ROBO1: variants seen among roughly 807,000 people sequenced by gnomAD.
ROBO1 encodes the protein roundabout guidance receptor 1, also known as roundabout homolog 1.
In ROBO1, 149 loss-of-function variants were observed where a neutral mutation model predicts 195.9. The ratio of observed to expected loss-of-function variants is 0.76; its 90% confidence interval spans 0.67 to 0.87. ROBO1 has a LOEUF of 0.87. Ranked by LOEUF, ROBO1 falls within the 40% of genes least tolerant of loss-of-function variation. The pLI, the probability that ROBO1 is intolerant of heterozygous loss-of-function variation, is 0.00. For synonymous variants in ROBO1, 816 were observed against 733.2 expected (o/e 1.11, Z -1.82); for missense variants, 1,933 against 2,068.3 (o/e 0.93, Z 1.27).
intron 2 of ROBO1, among the ~76,000 whole-genome samples, chr3:79,331,735 A>T (rs1158519040): frequency 1.3e-5 from 2 of 152,106 alleles, no homozygotes; most frequent in Admixed American, 1.3e-4. Context: ...AAACATTTGG[A>T]CTCTAAATAA....
At chr3:79,312,279 G>A (rs1419638968) in intron 2 of ROBO1, among the ~76,000 whole-genome samples, 4 of 152,042 alleles carry the variant, frequency 2.6e-5, no homozygotes, top group East Asian at 1.9e-4. Context: ...TTTTCTGATC[G>A]CCACATCTGG....
chr3:78,734,612 G>GAAAA (rs766825582), intron 5 of ROBO1, among the ~76,000 whole-genome samples: 1 of 140,402 alleles, frequency 7.1e-6, no homozygotes. Flanking sequence ...CCATTTGGGG[G>GAAAA]AAAAAAAAAA....
intron 1 of ROBO1, among the ~76,000 whole-genome samples, chr3:79,698,054 TA>T (rs1233503505): frequency 6.6e-6 from 1 of 151,448 alleles, no homozygotes; most frequent in African/African-American, 2.4e-5. Flanking sequence ...CATTAAGCAT[TA>T]AAAATTAGGA....
intron 2 of ROBO1, among the ~76,000 whole-genome samples, chr3:79,549,294 T>C (rs1196035438): frequency 1.3e-5 from 2 of 152,146 alleles, no homozygotes; most frequent in Non-Finnish European, 2.9e-5. Flanking sequence ...TAATGTGATA[T>C]ACGACATAAA....
intron 1 of ROBO1, among the ~76,000 whole-genome samples, chr3:79,687,265 T>G (rs1302861077): frequency 9.2e-6 from 1 of 108,178 alleles, no homozygotes; most frequent in Non-Finnish European, 2.0e-5. Context: ...ATAAAAACCC[T>G]AGAAGAAAAC....
At chr3:79,286,494 T>C (rs75349317) in intron 2 of ROBO1, among the ~76,000 whole-genome samples, 10,277 of 152,094 alleles carry the variant, frequency 0.068, 434 homozygotes, top group African/African-American at 0.11. Context: ...TAGAAGCAAA[T>C]TGAAACCCAG....
intron 4 of ROBO1, among the ~76,000 whole-genome samples, chr3:78,814,019 GC>G (rs1301038507): frequency 6.6e-6 from 1 of 151,918 alleles, no homozygotes; most frequent in African/African-American, 2.4e-5. Context: ...TTCGGTATAT[GC>G]CAGTTTTCTT....
At chr3:78,740,450 T>TTTCTTTC (rs2082499913) in intron 5 of ROBO1, among the ~76,000 whole-genome samples, 47 of 103,234 alleles carry the variant, frequency 4.6e-4, no homozygotes, top group Non-Finnish European at 6.7e-4. Context: ...ATTTTTCTTT[T>TTTCTTTC]TTTCTTTCTT....
At chr3:78,662,163 A>G in intron 14 of ROBO1, 49 bp from the exon 15 acceptor site, 2 of 1,532,056 alleles carry the variant, frequency 1.3e-6, no homozygotes, top group Non-Finnish European at 1.8e-6. Flanking sequence ...ACGTTACTGA[A>G]CGGAATGAAA....
At chr3:79,379,305 T>C (rs1008294574) in intron 2 of ROBO1, among the ~76,000 whole-genome samples, 8 of 152,184 alleles carry the variant, frequency 5.3e-5, no homozygotes, top group African/African-American at 1.9e-4. Context: ...CAGAGTGTAG[T>C]TCCTTGCTTC....
intron 2 of ROBO1, among the ~76,000 whole-genome samples, chr3:79,263,298 T>C (rs2082973936): frequency 6.6e-6 from 1 of 152,062 alleles, no homozygotes. Context: ...CACAGGTATC[T>C]CCTGATAACA....
chr3:78,724,450 C>T (rs184139349), intron 5 of ROBO1, among the ~76,000 whole-genome samples: 60 of 140,996 alleles, frequency 4.3e-4, no homozygotes, highest in African/African-American at 1.4e-3. Context: ...CAGAGGTGGG[C>T]GGATCACCTG....
At chr3:79,150,036 G>C (rs2080735889) in intron 2 of ROBO1, among the ~76,000 whole-genome samples, 1 of 151,736 alleles carries the variant, frequency 6.6e-6, no homozygotes, top group Admixed American at 6.6e-5. Flanking sequence ...GGTCCTTGTG[G>C]AGTGTTTAAC....
Position 79,253,097 on chromosome 3 carries a change from T to A in ROBO1, c.89-127558A>T, listed in dbSNP as rs567907192. Among the ~76,000 whole-genome samples, 3 of 152,306 alleles carry A rather than the reference T, an allele frequency of 2.0e-5. No homozygotes were observed. The South Asian group carries it at 6.2e-4, about 32-fold the overall frequency. ...GTGCAGAAATATACTTTTGTTTTTA[T>A]CTATGGGGCACCAAAATAAAAATGA... On this transcript the variant is annotated intron_variant, in intron 2 of 30. Transcript: ENST00000464233.
chr3:78,761,316 A>G (rs1242881013), intron 4 of ROBO1, among the ~76,000 whole-genome samples: 1 of 152,098 alleles, frequency 6.6e-6, no homozygotes, highest in Non-Finnish European at 1.5e-5. Flanking sequence ...CAGGCTTTGG[A>G]TTACTTTTCT....
chr3:78,812,707 G>C (rs1367951713), intron 4 of ROBO1, among the ~76,000 whole-genome samples: 1 of 151,750 alleles, frequency 6.6e-6, no homozygotes, highest in Non-Finnish European at 1.5e-5. Flanking sequence ...TTGTTCTTTT[G>C]TCACCCCAGC....
chr3:79,522,435 A>G (rs756479891), intron 2 of ROBO1, among the ~76,000 whole-genome samples: 1 of 150,830 alleles, frequency 6.6e-6, no homozygotes, highest in Admixed American at 6.6e-5. Context: ...TCTGAAATCT[A>G]TTCTTCTGAA....
At chr3:79,413,938 C>A (rs2037888357) in intron 2 of ROBO1, among the ~76,000 whole-genome samples, 1 of 152,016 alleles carries the variant, frequency 6.6e-6, no homozygotes, top group South Asian at 2.1e-4. Context: ...CTTCTAGGAG[C>A]CATAAAACCT....
intron 1 of ROBO1, among the ~76,000 whole-genome samples, chr3:79,607,514 A>G (rs1016182326): frequency 1.3e-5 from 2 of 151,650 alleles, no homozygotes; most frequent in Non-Finnish European, 2.9e-5. Context: ...CCTAAGAAGT[A>G]ACAGAAAATT....
Sources: allele counts gnomAD v4.1 joint callset (sites outside exome capture counted in the v4.1 genomes callset), GRCh38; gene constraint gnomAD v4.1.1; transcripts MANE v1.5; gene names NCBI Gene and HGNC (gene_info 2026-07-23, HGNC 2026-07-21).